Variants in R3HDM1 observed in about 807,000 individuals in gnomAD.
The protein encoded by R3HDM1 is R3H domain containing 1.
A neutral mutation model predicts 141.1 loss-of-function variants in R3HDM1; 46 were observed. The ratio of observed to expected loss-of-function variants is 0.33; its 90% CI spans 0.26 to 0.42. The LOEUF (loss-of-function observed/expected upper bound fraction) is 0.42, where lower values mean the gene tolerates loss of function less well. Among genes scored for constraint, R3HDM1 ranks in the 10% least tolerant of loss-of-function variants. The pLI is 1.00. For missense variants in R3HDM1, 1,184 were observed against 1,368.3 expected (o/e 0.87, Z 2.12); for synonymous variants, 435 against 472.9 (o/e 0.92, Z 1.04).
At chr2:135,588,458 C>T (rs1708450064) in intron 1 of R3HDM1, among the ~76,000 whole-genome samples, 1 of 152,082 alleles carries the variant, frequency 6.6e-6, no homozygotes, top group African/African-American at 2.4e-5. Context: ...AATTTTCATT[C>T]TCATACAGGT....
chr2:135,666,345 C>G (rs1165876442), intron 19 of R3HDM1, among the ~76,000 whole-genome samples: 1 of 152,160 alleles, frequency 6.6e-6, no homozygotes, highest in Admixed American at 6.6e-5. Flanking sequence ...TGACAACTTT[C>G]AATCCAAGTA....
Position 135,569,256 on chromosome 2 carries a change from G to A in R3HDM1, c.-249-33244G>A, listed in dbSNP as rs142006355. Among the ~76,000 whole-genome samples, 457 of 152,096 alleles carry A rather than the reference G, an allele frequency of 3.0e-3. 2 individuals carry two copies. Among genetic ancestry groups the A allele is most frequent in the African/African-American group, 0.01 (426 of 41,488 alleles). On this transcript the variant is annotated intron_variant, in intron 1 of 26. Transcript: ENST00000683871. Reference sequence around the variant, plus strand: ...TCCCAGCACTTTGGGAGGCCGAGGCGGGTGGATCACAAGGTCAGGAGTTCG... The same window carrying A: ...TCCCAGCACTTTGGGAGGCCGAGGCAGGTGGATCACAAGGTCAGGAGTTCG...
At position 135,651,783 on chromosome 2, in the gene R3HDM1, T is replaced by C; in HGVS notation, c.1779T>C (p.Ser593=). 1 of 1,614,076 alleles carries C rather than the reference T, an allele frequency of 6.2e-7. No individual in the cohort carries two copies. The highest frequency in any genetic ancestry group is 8.5e-7 in the Non-Finnish European group (1 of 1,179,950). The change falls in exon 18 of 27, where the codon TCT becomes TCC. Residue 593 remains serine, a synonymous_variant. Coordinates refer to ENST00000683871, the MANE Select transcript of R3HDM1 (RefSeq NM_001378107.1). ...ACATGAGTCTTGCTCGCCAGCCATCTGCTGATGGTTCTGACCCTCATGCCG... is the reference window on the plus strand; with the variant it reads ...ACATGAGTCTTGCTCGCCAGCCATCCGCTGATGGTTCTGACCCTCATGCCG... ...FSHMSLARQP[S]ADGSDPHAAM...
intron 18 of R3HDM1, among the ~76,000 whole-genome samples, chr2:135,658,482 A>G (rs1347425551): frequency 6.6e-6 from 1 of 152,084 alleles, no homozygotes; most frequent in Non-Finnish European, 1.5e-5. Flanking sequence ...ATTTTTTTAA[A>G]TGGAACACCG....
chr2:135,696,239 A>G (rs1340656670), intron 21 of R3HDM1, among the ~76,000 whole-genome samples: 1 of 152,058 alleles, frequency 6.6e-6, no homozygotes, highest in African/African-American at 2.4e-5. Flanking sequence ...ATATATATAA[A>G]CCACATTATT....
chr2:135,662,549 T>C (rs1401459921), intron 19 of R3HDM1, among the ~76,000 whole-genome samples: 1 of 152,230 alleles, frequency 6.6e-6, no homozygotes, highest in African/African-American at 2.4e-5. Flanking sequence ...TTACTAGCCT[T>C]GTATTGTACA....
chr2:135,534,080 CTT>C (rs1396432198), intron 1 of R3HDM1: 1 of 957,018 alleles, frequency 1.0e-6, no homozygotes, highest in Non-Finnish European at 1.2e-6. Flanking sequence ...TATATAGTGA[CTT>C]AAGCACAGTT....
At chr2:135,579,568 A>G (rs1706272994) in intron 1 of R3HDM1, among the ~76,000 whole-genome samples, 2 of 141,680 alleles carry the variant, frequency 1.4e-5, no homozygotes, top group South Asian at 5.0e-4. Flanking sequence ...ATGAATTACA[A>G]AGAGAAAAAT....
chr2:135,558,934 AAATGT>A (rs368044926), intron 1 of R3HDM1: 18 of 846,802 alleles, frequency 2.1e-5, no homozygotes, highest in Middle Eastern at 6.1e-4. Context: ...CTGAAAGTCA[AAATGT>A]AATTTAAAAA....
chr2:135,627,009 C>T (rs774807298), intron 7 of R3HDM1, among the ~76,000 whole-genome samples: 1 of 152,038 alleles, frequency 6.6e-6, no homozygotes, highest in African/African-American at 2.4e-5. Flanking sequence ...TCTGTGTATG[C>T]ATTTTTATTT....
At chr2:135,532,587 T>G (rs1695132616) in intron 1 of R3HDM1, among the ~76,000 whole-genome samples, 2 of 151,862 alleles carry the variant, frequency 1.3e-5, no homozygotes, top group African/African-American at 4.8e-5. Context: ...ATCTTCATGG[T>G]TATAGTTTAC....
intron 24 of R3HDM1, among the ~76,000 whole-genome samples, chr2:135,716,531 C>G (rs1257059956): frequency 2.6e-5 from 4 of 152,110 alleles, no homozygotes; most frequent in African/African-American, 7.2e-5. Context: ...GATTTATATA[C>G]AGAAGAGTTT....
intron 1 of R3HDM1, chr2:135,549,915 T>A (rs1466938764): frequency 1.2e-6 from 1 of 850,160 alleles, no homozygotes; most frequent in Non-Finnish European, 1.4e-6. Flanking sequence ...AAGAATACAT[T>A]ACATATGTAT....
chr2:135,561,741 TTAAAA>T (rs1701841929), intron 1 of R3HDM1, among the ~76,000 whole-genome samples: 1 of 151,674 alleles, frequency 6.6e-6, no homozygotes, highest in African/African-American at 2.4e-5. Flanking sequence ...AAAACCAAGC[TTAAAA>T]TAAAAGTTGT....
At chr2:135,620,289 A>C in intron 5 of R3HDM1, 1 of 932,760 alleles carries the variant, frequency 1.1e-6, no homozygotes, top group Non-Finnish European at 1.3e-6. Flanking sequence ...TATACTTCTG[A>C]AAAATAGTTC....
At chr2:135,641,356 G>A (rs1302860498) in intron 14 of R3HDM1, among the ~76,000 whole-genome samples, 180 bp from the exon 15 acceptor site, 1 of 152,196 alleles carries the variant, frequency 6.6e-6, no homozygotes, top group African/African-American at 2.4e-5. Flanking sequence ...TAATCAGTTT[G>A]CTGTATTAAA....
chr2:135,669,707 T>C (rs770862155), intron 19 of R3HDM1: 9 of 424,448 alleles, frequency 2.1e-5, no homozygotes, highest in Non-Finnish European at 2.8e-5. Flanking sequence ...CTGTGCCTTT[T>C]GTTTCCTCAG....
intron 18 of R3HDM1, among the ~76,000 whole-genome samples, chr2:135,653,365 CA>C (rs2065375094): frequency 2.0e-5 from 3 of 151,984 alleles, no homozygotes; most frequent in African/African-American, 4.8e-5. Context: ...CAAAAAAGAA[CA>C]AAGGTTTCAT....
In R3HDM1 at chr2:135,548,386, A is replaced by G. The variant is rs536373883; in HGVS notation, c.-250+16753A>G. 1.4e-4 allele frequency among the ~76,000 whole-genome samples: 22 copies of G among 152,366 alleles called. No homozygotes were observed. The South Asian group carries it at 4.3e-3, about 30-fold the overall frequency. ...CACCCCTAAACACTTGGACATGCAT[A>G]TGATTAACTAGAGTTGAATGTTTGA... On this transcript the variant is annotated intron_variant, in intron 1 of 26. Coordinates refer to ENST00000683871, the MANE Select transcript of R3HDM1 (RefSeq NM_001378107.1).
Sources: gnomAD v4.1 joint callset for allele counts (sites outside exome capture counted in the v4.1 genomes callset) on GRCh38, gnomAD v4.1.1 for gene constraint, MANE v1.5 for transcripts, NCBI Gene and HGNC (gene_info 2026-07-23, HGNC 2026-07-21) for gene names.